Variants in SASH1 observed in about 807,000 individuals in gnomAD.
SASH1 encodes the protein SAM and SH3 domain containing 1, also known as SAM and SH3 domain-containing protein 1.
A neutral mutation model predicts 125.2 loss-of-function variants in SASH1; 44 were observed. That is an observed-to-expected ratio of 0.35 (90% CI 0.28 to 0.45). SASH1 has a LOEUF of 0.45. SASH1 is among the 20% of genes least tolerant of loss of function. The pLI is 1.00. For missense variants in SASH1, 1,426 were observed against 1,614.5 expected (o/e 0.88, Z 2.00); for synonymous variants, 639 against 649.1 (o/e 0.98, Z 0.24).
intron 1 of SASH1, among the ~76,000 whole-genome samples, chr6:148,291,501 C>T (rs898854127): frequency 7.2e-5 from 11 of 151,946 alleles, no homozygotes; most frequent in South Asian, 2.1e-4. Flanking sequence ...GCCAATGTGA[C>T]GAAACTCTGT....
chr6:148,301,481 G>T (rs185795743), intron 1 of SASH1, among the ~76,000 whole-genome samples: 2,709 of 152,190 alleles, frequency 0.018, 74 homozygotes, highest in African/African-American at 0.062. Context: ...GGCCAGGCTG[G>T]TCTCAAACTC....
At chr6:148,468,613 A>C in intron 5 of SASH1, 28 bp downstream of exon 5, 1 of 1,461,204 alleles carries the variant, frequency 6.8e-7, no homozygotes, top group Non-Finnish European at 9.5e-7. Flanking sequence ...TGGTTTACCT[A>C]TTTAATTATT....
chr6:148,195,373 C>T, the SASH1 span, among the ~76,000 whole-genome samples: 1 of 152,166 alleles, frequency 6.6e-6, no homozygotes, highest in African/African-American at 2.4e-5. Context: ...TGGGCAGAGG[C>T]CGATGCTCAG....
chr6:148,258,585 C>T, the SASH1 span, among the ~76,000 whole-genome samples: 123,994 of 152,130 alleles, frequency 0.82, 50,764 homozygotes, highest in African/African-American at 0.89. Context: ...CCTTACTCCA[C>T]ATGTAAAAAT....
chr6:148,408,358 A>G (rs1019450928), intron 2 of SASH1, among the ~76,000 whole-genome samples: 3 of 151,472 alleles, frequency 2.0e-5, no homozygotes, highest in Admixed American at 6.6e-5. Flanking sequence ...CGCCCGCCTC[A>G]GCCTCCCAGA....
In SASH1 at chr6:148,280,504, C is replaced by T. The variant is rs1371773470; in HGVS notation, n.74+8127C>T. The T allele has an allele frequency of 6.6e-5, 10 of 152,090 alleles. 1 individual carries two copies. Among genetic ancestry groups the T allele is most frequent in the East Asian group, 1.9e-4 (1 of 5,186 alleles). 9.4% of individuals were successfully genotyped at this position (152,090 alleles called of 1,614,324 possible). Reference sequence around the variant, plus strand: ...ATACTAGGTGTTCAATCCATGGTAGCCCTTCATTACCTTGATGAACAAATA... The same window carrying T: ...ATACTAGGTGTTCAATCCATGGTAGTCCTTCATTACCTTGATGAACAAATA... On this transcript the variant is annotated intron_variant and non_coding_transcript_variant, in intron 1 of 3. Transcript: ENST00000367469.
chr6:148,307,546 C>T (rs1039560672), intron 1 of SASH1, among the ~76,000 whole-genome samples: 15 of 152,072 alleles, frequency 9.9e-5, no homozygotes, highest in African/African-American at 3.4e-4. Flanking sequence ...AAACAGGTTC[C>T]GTGGCTGCCC....
At chr6:148,540,292 A>G in intron 16 of SASH1, 151 bp from the exon 17 acceptor site, 1 of 618,438 alleles carries the variant, frequency 1.6e-6, no homozygotes, top group South Asian at 1.9e-5. Context: ...TTGTGATCAC[A>G]CTAGTTCATT....
At chr6:148,534,035 C>A in intron 15 of SASH1, 55 bp downstream of exon 15, 2 of 1,537,996 alleles carry the variant, frequency 1.3e-6, no homozygotes, top group Non-Finnish European at 1.8e-6. Context: ...TTTTTCTCTC[C>A]TACACTAAGC....
At chr6:148,241,824 A>T in the SASH1 span, among the ~76,000 whole-genome samples, 19,607 of 152,116 alleles carry the variant, frequency 0.13, 1,780 homozygotes, top group East Asian at 0.35. Flanking sequence ...TCCAGTACCC[A>T]CCTCGTATGA....
intron 4 of SASH1, among the ~76,000 whole-genome samples, chr6:148,465,949 G>A (rs555331610): frequency 4.6e-5 from 7 of 151,802 alleles, no homozygotes; most frequent in East Asian, 1.9e-4. Context: ...GTCTCCCTCC[G>A]TCTCTAACCT....
intron 1 of SASH1, among the ~76,000 whole-genome samples, chr6:148,333,312 C>A (rs1022676402): frequency 4.6e-5 from 7 of 152,068 alleles, no homozygotes; most frequent in African/African-American, 1.7e-4. Flanking sequence ...ACTTGGGAGC[C>A]TAAGGTGGGA....
intron 2 of SASH1, 120 bp from the exon 3 acceptor site, chr6:148,440,064 C>T (rs1275134698): frequency 2.4e-6 from 2 of 822,100 alleles, no homozygotes; most frequent in Non-Finnish European, 4.2e-6. Flanking sequence ...TCTGCCATCT[C>T]CTCCCACTCT....
intron 1 of SASH1, among the ~76,000 whole-genome samples, chr6:148,314,580 A>G (rs1780428654): frequency 6.6e-6 from 1 of 152,126 alleles, no homozygotes; most frequent in Admixed American, 6.6e-5. Flanking sequence ...AATCTACAGC[A>G]TAAGTTTCAG....
At chr6:148,415,144 C>A (rs1784773901) in intron 2 of SASH1, among the ~76,000 whole-genome samples, 1 of 152,034 alleles carries the variant, frequency 6.6e-6, no homozygotes, top group African/African-American at 2.4e-5. Flanking sequence ...GAGTTTAGAA[C>A]TTTGTATTGA....
At chr6:148,406,832 C>T (rs1032701210) in intron 2 of SASH1, among the ~76,000 whole-genome samples, 10 of 149,998 alleles carry the variant, frequency 6.7e-5, no homozygotes, top group South Asian at 2.1e-4. Context: ...GAGGATCAGG[C>T]GCTCCAAGGG....
At chr6:148,281,028 C>T (rs1298128523) in intron 1 of SASH1, among the ~76,000 whole-genome samples, 2 of 151,834 alleles carry the variant, frequency 1.3e-5, no homozygotes, top group African/African-American at 4.8e-5. Flanking sequence ...ACTGAACCTC[C>T]ACCTCCCGGG....
intron 2 of SASH1, among the ~76,000 whole-genome samples, chr6:148,425,926 T>C (rs1272656769): frequency 6.6e-6 from 1 of 151,984 alleles, no homozygotes; most frequent in Non-Finnish European, 1.5e-5. Context: ...AGAATACTTC[T>C]GGCCAGGCGT....
chr6:148,466,270 C>T (rs546483541), intron 4 of SASH1, among the ~76,000 whole-genome samples: 78 of 152,260 alleles, frequency 5.1e-4, no homozygotes, highest in Middle Eastern at 6.8e-3. Context: ...TTCTTAGCTC[C>T]GACTCTCCCT....
Sources: allele counts gnomAD v4.1 joint callset (sites outside exome capture counted in the v4.1 genomes callset), GRCh38; gene constraint gnomAD v4.1.1; transcripts MANE v1.5; gene names NCBI Gene and HGNC (gene_info 2026-07-23, HGNC 2026-07-21).